The following CHIC2 variants were observed in gnomAD, a reference collection of about 807,000 sequenced individuals.
The protein encoded by CHIC2 is cysteine-rich hydrophobic domain-containing protein 2.
CHIC2 carries 14 observed loss-of-function variants against 25.9 expected under a neutral mutation model. The ratio of observed to expected loss-of-function variants is 0.54; its 90% CI spans 0.36 to 0.85. The LOEUF is 0.85. Among genes scored for constraint, CHIC2 ranks in the 40% least tolerant of loss-of-function variants. The pLI is 0.01. For missense variants in CHIC2, 146 were observed against 202.0 expected (o/e 0.72, Z 1.68); for synonymous variants, 70 against 72.0 (o/e 0.97, Z 0.14).
intron 3 of CHIC2, among the ~76,000 whole-genome samples, chr4:54,035,049 ATGTTAAACCAACCTT>A (rs1716341085): frequency 6.6e-6 from 1 of 152,028 alleles, no homozygotes; most frequent in Non-Finnish European, 1.5e-5. Flanking sequence ...GCATTTTTGG[ATGTTAAACCAACCTT>A]ACTTACCTTC....
chr4:54,016,866 C>T (rs1715754601), intron 3 of CHIC2, among the ~76,000 whole-genome samples: 2 of 150,658 alleles, frequency 1.3e-5, no homozygotes, highest in South Asian at 2.1e-4. Flanking sequence ...AGAAACTGTG[C>T]CACAAATTAT....
At chr4:54,091,821 T>G in the CHIC2 span, among the ~76,000 whole-genome samples, 6 of 152,192 alleles carry the variant, frequency 3.9e-5, no homozygotes, top group Admixed American at 6.5e-5. Flanking sequence ...CTCGCGCTCA[T>G]GCACACTCGC....
intron 3 of CHIC2, among the ~76,000 whole-genome samples, chr4:54,019,638 A>C (rs534783552): frequency 4.6e-5 from 7 of 152,294 alleles, no homozygotes; most frequent in Non-Finnish European, 1.0e-4. Context: ...AAACATGCAC[A>C]ATTTAAAGGG....
chr4:54,038,269 G>A (rs1716453331), intron 3 of CHIC2, among the ~76,000 whole-genome samples: 1 of 152,140 alleles, frequency 6.6e-6, no homozygotes, highest in Non-Finnish European at 1.5e-5. Context: ...AGTGAATTTG[G>A]CAAGGTTGAA....
chr4:54,081,456 T>C, the CHIC2 span, among the ~76,000 whole-genome samples: 1 of 152,070 alleles, frequency 6.6e-6, no homozygotes, highest in Non-Finnish European at 1.5e-5. Context: ...ATTATTCTCA[T>C]CATCTAAGAT....
chr4:54,062,019 C>T (rs1304187371), intron 1 of CHIC2, among the ~76,000 whole-genome samples: 3 of 152,014 alleles, frequency 2.0e-5, no homozygotes, highest in Non-Finnish European at 4.4e-5. Flanking sequence ...AACATAGTAC[C>T]ACACAGTGCA....
chr4:54,030,292 A>C (rs1716185268), intron 3 of CHIC2, among the ~76,000 whole-genome samples: 1 of 152,048 alleles, frequency 6.6e-6, no homozygotes, highest in African/African-American at 2.4e-5. Context: ...CCGAGGCTGG[A>C]GGATTGCTTG....
chr4:54,017,446 C>A (rs1200871332), intron 3 of CHIC2, among the ~76,000 whole-genome samples: 1 of 152,100 alleles, frequency 6.6e-6, no homozygotes, highest in East Asian at 1.9e-4. Flanking sequence ...GATTGATAGT[C>A]ATGGGAACTA....
chr4:54,091,453 G>T, the CHIC2 span, among the ~76,000 whole-genome samples: 10 of 152,204 alleles, frequency 6.6e-5, no homozygotes, highest in African/African-American at 2.2e-4. Context: ...CTCACCCTGT[G>T]CACATCCCCA....
At chr4:54,073,148 C>T in the CHIC2 span, among the ~76,000 whole-genome samples, 267 of 152,288 alleles carry the variant, frequency 1.8e-3, 2 homozygotes, top group South Asian at 0.023. Context: ...CATATTTCCT[C>T]CTGGAAGGGA....
chr4:54,042,674 T>A (rs2110079550), intron 3 of CHIC2, among the ~76,000 whole-genome samples: 1 of 151,496 alleles, frequency 6.6e-6, no homozygotes, highest in East Asian at 1.9e-4. Context: ...AGTGAGGGGA[T>A]CCAAACTACA....
chr4:54,062,748 C>A (rs1465164073), intron 1 of CHIC2, among the ~76,000 whole-genome samples: 4 of 152,198 alleles, frequency 2.6e-5, no homozygotes, highest in Admixed American at 2.0e-4. Context: ...GAAATCACTT[C>A]TTTAAGCATC....
At chr4:54,029,939 C>A (rs1716171932) in intron 3 of CHIC2, among the ~76,000 whole-genome samples, 1 of 152,116 alleles carries the variant, frequency 6.6e-6, no homozygotes, top group Admixed American at 6.5e-5. Flanking sequence ...TCACTTCTCC[C>A]ATTTAGATTC....
chr4:54,045,058 A>G (rs943676517), intron 3 of CHIC2, among the ~76,000 whole-genome samples: 10 of 152,268 alleles, frequency 6.6e-5, no homozygotes, highest in Non-Finnish European at 1.0e-4. Flanking sequence ...GAAGAAATGG[A>G]TAAATTCCTC....
At chr4:54,078,820 T>C in the CHIC2 span, among the ~76,000 whole-genome samples, 4 of 152,124 alleles carry the variant, frequency 2.6e-5, no homozygotes, top group Non-Finnish European at 4.4e-5. Flanking sequence ...CGGCCTCTCT[T>C]ATGATTTGTT....
chr4:54,010,799 T>C (rs1022872160), intron 5 of CHIC2, among the ~76,000 whole-genome samples: 2 of 152,116 alleles, frequency 1.3e-5, no homozygotes, highest in African/African-American at 4.8e-5. Context: ...AGTTCTAGAG[T>C]TGCTCTCATT....
intron 1 of CHIC2, chr4:54,059,644 A>G (rs1184797802): frequency 6.6e-6 from 1 of 152,032 alleles, no homozygotes; most frequent in African/African-American, 2.4e-5. Context: ...TTCATTTTTT[A>G]AAACAGAGGA....
intron 3 of CHIC2, among the ~76,000 whole-genome samples, chr4:54,040,526 C>T (rs1233040151): frequency 6.6e-6 from 1 of 152,004 alleles, no homozygotes; most frequent in Non-Finnish European, 1.5e-5. Flanking sequence ...CATGGTGAAA[C>T]CCCGTCTCTA....
At position 54,009,981 on chromosome 4, in the gene CHIC2, A is replaced by T. The variant is rs894131019; in HGVS notation, c.*114T>A. On this transcript the variant is annotated 3_prime_UTR_variant, in exon 6 of 6. Transcript: ENST00000263921. Reference sequence around the variant, plus strand: ...AAAAAAAAACAAAAACAAAAACAAAAAAAACACCACACGATTCTGTAGAAC... The same window carrying T: ...AAAAAAAAACAAAAACAAAAACAAATAAAACACCACACGATTCTGTAGAAC... 1 of 644,192 alleles carries T rather than the reference A, an allele frequency of 1.6e-6. No homozygotes were observed. Among genetic ancestry groups the T allele is most frequent in the African/African-American group, 1.9e-5 (1 of 52,184 alleles). The allele number at this position is 644,192 out of a possible 1,614,324, so 39.9% of individuals were successfully genotyped here.
Sources: gnomAD v4.1 joint callset for allele counts (sites outside exome capture counted in the v4.1 genomes callset) on GRCh38, gnomAD v4.1.1 for gene constraint, MANE v1.5 for transcripts, NCBI Gene and HGNC (gene_info 2026-07-23, HGNC 2026-07-21) for gene names.